The following COP1 variants were observed in gnomAD, a reference collection of about 807,000 sequenced individuals.
COP1 encodes the protein COP1 E3 ubiquitin ligase.
Under a neutral mutation model 101.3 loss-of-function variants are expected in COP1, and 24 were observed. The observed-to-expected ratio is 0.24, with a 90% confidence interval of 0.17 to 0.33. The LOEUF (loss-of-function observed/expected upper bound fraction) is 0.33. COP1 is among the 10% of genes least tolerant of loss of function. The pLI, the probability that COP1 is intolerant of heterozygous loss-of-function variation, is 1.00. For missense variants in COP1, 663 were observed against 906.2 expected (o/e 0.73, Z 3.45); for synonymous variants, 347 against 341.9 (o/e 1.01, Z -0.17).
chr1:175,967,518 A>G (rs1286220409), intron 18 of COP1, among the ~76,000 whole-genome samples: 2 of 111,422 alleles, frequency 1.8e-5, no homozygotes, highest in Non-Finnish European at 4.2e-5. Context: ...CAAACAAACA[A>G]ACAAACCCAG....
intron 18 of COP1, among the ~76,000 whole-genome samples, chr1:175,955,766 C>CCACAAACACACACACA (rs1553275351): frequency 7.7e-6 from 1 of 129,192 alleles, no homozygotes; most frequent in African/African-American, 2.8e-5. Context: ...TAGAGACAAA[C>CCACAAACACACACACA]CACACACACA....
chr1:175,944,849 T>A lies in COP1; in HGVS notation c.*304A>T. 2.8e-6 allele frequency: 1 copy of A among 358,964 alleles called. No homozygotes were observed. The highest frequency in any genetic ancestry group is 6.5e-5 in the South Asian group (1 of 15,456). The allele number at this position is 358,964 out of a possible 1,614,324, so 22.2% of individuals were successfully genotyped here. ...GCTCAACTGTGGCTCAATAAACTTT[T>A]ATTGTTTTGTTATTTATTTTTATTC... is the stretch of plus-strand genomic sequence containing the variant. On this transcript the variant is annotated 3_prime_UTR_variant, in exon 20 of 20. Coordinates refer to ENST00000367669, the MANE Select transcript of COP1 (RefSeq NM_022457.7).
chr1:175,977,692 TC>T (rs1478341509), intron 18 of COP1, among the ~76,000 whole-genome samples: 3 of 152,084 alleles, frequency 2.0e-5, no homozygotes, highest in African/African-American at 4.8e-5. Flanking sequence ...CCCCAGACAA[TC>T]TGTATATTCT....
intron 11 of COP1, among the ~76,000 whole-genome samples, chr1:176,049,178 CAAAAAAAA>C (rs61267982): frequency 6.8e-5 from 8 of 118,368 alleles, no homozygotes; most frequent in East Asian, 2.2e-4. Context: ...GACTCCGTCT[CAAAAAAAA>C]AAAAAAAAAA....
rs574439527 is a variant in COP1 at position 176,095,604 on chromosome 1, C to T, written c.1027-9714G>A. On this transcript the variant is annotated intron_variant, in intron 9 of 19. Transcript: ENST00000367669. ...GGCTGAGGTAAGAGGATGGCTTGAG[C>T]CCAGGAGGTAGTTGCAGTGAGCTGA... Among the ~76,000 whole-genome samples the T allele has an allele frequency of 3.9e-5, 6 of 151,996 alleles. No homozygotes were observed. The East Asian group carries it at 9.7e-4, about 24-fold the overall frequency.
intron 2 of COP1, among the ~76,000 whole-genome samples, chr1:176,183,764 T>G (rs1323887623): frequency 6.6e-6 from 1 of 152,198 alleles, no homozygotes; most frequent in Non-Finnish European, 1.5e-5. Context: ...TGGAGTATTA[T>G]TCAGCCTTAC....
chr1:176,085,359 T>A (rs1035826045), intron 10 of COP1, among the ~76,000 whole-genome samples: 1 of 152,164 alleles, frequency 6.6e-6, no homozygotes, highest in Non-Finnish European at 1.5e-5. Context: ...GAACTGTTTA[T>A]CTGTTGCTTT....
chr1:176,043,162 C>T (rs1473656794), intron 14 of COP1, 24 bp downstream of exon 14: 1 of 1,466,264 alleles, frequency 6.8e-7, no homozygotes, highest in Admixed American at 1.7e-5. Context: ...GAAGGAGGTG[C>T]TGAGAAAGAG....
intron 9 of COP1, among the ~76,000 whole-genome samples, chr1:176,107,866 A>G (rs1684585077): frequency 6.6e-6 from 1 of 152,194 alleles, no homozygotes. Context: ...CTGAATCTTA[A>G]GCATAAGGAA....
chr1:176,018,968 C>T lies in COP1; in HGVS notation c.1729+8604G>A, dbSNP rs1006279655. On this transcript the variant is annotated intron_variant, in intron 15 of 19. Coordinates refer to ENST00000367669, the MANE Select transcript of COP1 (RefSeq NM_022457.7). ...ATCACTTGAGGTCAGGAGTTCAAGA[C>T]GAGCCTGGCCAACGTGGTGAAACTC... 8.0e-5 allele frequency among the ~76,000 whole-genome samples: 12 copies of T among 149,338 alleles called. No homozygotes were observed. The South Asian group carries it at 1.3e-3, about 16-fold the overall frequency.
intron 2 of COP1, among the ~76,000 whole-genome samples, 162 bp from the exon 3 acceptor site, chr1:176,176,169 G>C (rs1696906284): frequency 6.6e-6 from 1 of 152,022 alleles, no homozygotes; most frequent in Non-Finnish European, 1.5e-5. Context: ...AGGATATACA[G>C]GGCACTTACT....
At chr1:176,019,725 G>A (rs1557936476) in intron 15 of COP1, among the ~76,000 whole-genome samples, 3 of 151,504 alleles carry the variant, frequency 2.0e-5, no homozygotes, top group Non-Finnish European at 4.4e-5. Context: ...GCCAGGCATC[G>A]TAGCATGCTC....
intron 18 of COP1, among the ~76,000 whole-genome samples, chr1:175,975,768 C>G (rs1654383061): frequency 6.6e-6 from 1 of 152,040 alleles, no homozygotes; most frequent in Admixed American, 6.6e-5. Context: ...AAAGGAAACA[C>G]AAGTATGTAA....
At chr1:176,148,967 G>T in intron 6 of COP1, 39 bp downstream of exon 6, 1 of 1,291,782 alleles carries the variant, frequency 7.7e-7, no homozygotes, top group Non-Finnish European at 1.1e-6. Context: ...GTTAACAATA[G>T]TAAATAAAAC....
intron 14 of COP1, among the ~76,000 whole-genome samples, chr1:176,028,713 A>ATATATATATATATATATAGTTT (rs1553228752): frequency 1.5e-5 from 2 of 132,898 alleles, no homozygotes; most frequent in East Asian, 4.6e-4. Context: ...ATATATATAT[A>ATATATATATATATATATAGTTT]TATATATATA....
At chr1:176,094,039 A>C (rs1681870072) in intron 9 of COP1, among the ~76,000 whole-genome samples, 1 of 152,060 alleles carries the variant, frequency 6.6e-6, no homozygotes, top group South Asian at 2.1e-4. Context: ...AAAGGAAAAA[A>C]AAAAAAGTGA....
intron 11 of COP1, among the ~76,000 whole-genome samples, chr1:176,064,150 C>T (rs1355829965): frequency 6.6e-6 from 1 of 152,090 alleles, no homozygotes; most frequent in African/African-American, 2.4e-5. Flanking sequence ...CCATAGTTTG[C>T]TGATTTTAAA....
intron 15 of COP1, among the ~76,000 whole-genome samples, chr1:176,009,442 C>T (rs1664203265): frequency 6.6e-6 from 1 of 151,956 alleles, no homozygotes; most frequent in Non-Finnish European, 1.5e-5. Context: ...CATGTTAATA[C>T]AAAAGGGGTG....
chr1:176,109,993 T>C (rs963269289), intron 9 of COP1, among the ~76,000 whole-genome samples: 34 of 152,200 alleles, frequency 2.2e-4, no homozygotes, highest in Admixed American at 1.5e-3. Flanking sequence ...TGATAAATAA[T>C]GTTTCCACTA....
Sources: allele counts gnomAD v4.1 joint callset (sites outside exome capture counted in the v4.1 genomes callset), GRCh38; gene constraint gnomAD v4.1.1; transcripts MANE v1.5; gene names NCBI Gene and HGNC (gene_info 2026-07-23, HGNC 2026-07-21).